YEATS2: variants seen among roughly 807,000 people sequenced by gnomAD.
The protein encoded by YEATS2 is YEATS domain-containing protein 2.
Under a neutral mutation model 163.2 loss-of-function variants are expected in YEATS2, and 77 were observed. The observed-to-expected ratio is 0.47, with a 90% CI of 0.39 to 0.57. YEATS2 has a LOEUF of 0.57. Among genes scored for constraint, YEATS2 ranks in the 20% least tolerant of loss-of-function variants. The pLI is 0.00. For missense variants in YEATS2, 1,549 were observed against 1,729.8 expected (o/e 0.90, Z 1.85); for synonymous variants, 631 against 645.1 (o/e 0.98, Z 0.33).
At chr3:183,720,863 C>T (rs1454626059) in intron 4 of YEATS2, among the ~76,000 whole-genome samples, 1 of 152,126 alleles carries the variant, frequency 6.6e-6, no homozygotes, top group Non-Finnish European at 1.5e-5. Context: ...GAGGTTGCTG[C>T]CAATCCTTAG....
chr3:183,765,083 T>C (rs190459441), intron 15 of YEATS2, among the ~76,000 whole-genome samples: 133 of 152,328 alleles, frequency 8.7e-4, no homozygotes, highest in Middle Eastern at 6.8e-3. Context: ...CCAGAATGAC[T>C]AAGACAGGCA....
intron 19 of YEATS2, among the ~76,000 whole-genome samples, chr3:183,780,730 GTC>G (rs1028233356): frequency 1.3e-5 from 2 of 152,150 alleles, no homozygotes; most frequent in Non-Finnish European, 2.9e-5. Context: ...ATTTTAACAT[GTC>G]TCTCAGCATT....
chr3:183,809,349 G>A (rs1410912317), intron 30 of YEATS2, 179 bp downstream of exon 30: 2 of 592,868 alleles, frequency 3.4e-6, no homozygotes, highest in Non-Finnish European at 3.0e-6. Flanking sequence ...GAACCTCATG[G>A]TTGTGAAAGC....
chr3:183,701,949 C>G (rs948824895), intron 1 of YEATS2, among the ~76,000 whole-genome samples: 1 of 152,158 alleles, frequency 6.6e-6, no homozygotes, highest in Non-Finnish European at 1.5e-5. Context: ...TTCTACTTCT[C>G]CATGTCTGCA....
chr3:183,773,786 A>G lies in YEATS2; in HGVS notation c.2360A>G (p.Asn787Ser), dbSNP rs1722708714. The change falls in exon 17 of 31, where the codon AAC (asparagine) becomes AGC (serine). Residue 787 changes from asparagine to serine, a missense_variant. Asn to Ser is a conservative substitution (Grantham distance 46, BLOSUM62 1). Transcript: ENST00000305135. ...CAAGGAGCCATCCTGCGAGCTACGAACAATGCTAGTTAGTGAAACCATTGG... is the reference window on the plus strand; with the variant it reads ...CAAGGAGCCATCCTGCGAGCTACGAGCAATGCTAGTTAGTGAAACCATTGG... The part of the protein sequence containing the change: ...IPQGAILRAT[N>S]NANLQSGSAA... The G allele has an allele frequency of 6.2e-7, 1 of 1,606,148 alleles. No individual in the cohort carries two copies. The highest frequency in any genetic ancestry group is 1.1e-5 in the South Asian group (1 of 89,128).
At chr3:183,698,804 A>G (rs937834172) in intron 1 of YEATS2, among the ~76,000 whole-genome samples, 1 of 152,064 alleles carries the variant, frequency 6.6e-6, no homozygotes, top group African/African-American at 2.4e-5. Flanking sequence ...CAGCAATATC[A>G]TTTCCCCTTT....
Position 183,717,712 on chromosome 3 carries a change from G to A in YEATS2, c.162G>A (p.Met54Ile), listed in dbSNP as rs746350800. Reference sequence around the variant, plus strand: ...TCAAAGAACAGTTTGCTCTTGAAATGAAGAATAAGGAACATGAAATTGAAG... The same window carrying A: ...TCAAAGAACAGTTTGCTCTTGAAATAAAGAATAAGGAACATGAAATTGAAG... ...TIIKEQFALE[M>I]KNKEHEIEVI... The change falls in exon 3 of 31, where the codon ATG (methionine) becomes ATA (isoleucine). Residue 54 changes from methionine to isoleucine, a missense_variant. By Grantham distance (10) the Met-to-Ile change is conservative (BLOSUM62 1). Coordinates refer to ENST00000305135, the MANE Select transcript of YEATS2 (RefSeq NM_018023.5). 9.6e-6 allele frequency: 15 copies of A among 1,564,024 alleles called. No individual in the cohort carries two copies. The South Asian group carries it at 1.9e-4, about 19-fold the overall frequency.
intron 1 of YEATS2, among the ~76,000 whole-genome samples, chr3:183,708,690 A>AC (rs1055269344): frequency 5.3e-5 from 8 of 151,784 alleles, no homozygotes; most frequent in African/African-American, 1.7e-4. Flanking sequence ...ACATAGTGAG[A>AC]CCCCCGTCTC....
chr3:183,710,156 T>G (rs1715047597), intron 1 of YEATS2, among the ~76,000 whole-genome samples: 1 of 152,224 alleles, frequency 6.6e-6, no homozygotes, highest in African/African-American at 2.4e-5. Flanking sequence ...CATCTCAGTA[T>G]TTTCAATTTC....
chr3:183,774,704 T>G (rs1223577470), intron 17 of YEATS2, among the ~76,000 whole-genome samples: 1 of 152,180 alleles, frequency 6.6e-6, no homozygotes, highest in Non-Finnish European at 1.5e-5. Flanking sequence ...TCCCTCTGAA[T>G]CAGAAGTAGA....
chr3:183,726,666 C>T (rs140083296), intron 6 of YEATS2, among the ~76,000 whole-genome samples: 82 of 152,238 alleles, frequency 5.4e-4, no homozygotes, highest in Middle Eastern at 3.4e-3. Context: ...GATCCCCTCC[C>T]TCATTAGGCA....
chr3:183,728,993 C>G, intron 7 of YEATS2, 142 bp downstream of exon 7: 1 of 971,714 alleles, frequency 1.0e-6, no homozygotes, highest in South Asian at 1.7e-5. Flanking sequence ...TAGTTGGAGG[C>G]CGGGTGGGGT....
chr3:183,729,893 T>C (rs1560243874), intron 7 of YEATS2, among the ~76,000 whole-genome samples: 1 of 151,938 alleles, frequency 6.6e-6, no homozygotes, highest in East Asian at 1.9e-4. Flanking sequence ...TTTCACCATG[T>C]TGGCCAGGCT....
intron 17 of YEATS2, 117 bp from the exon 18 acceptor site, chr3:183,775,798 G>T: frequency 6.7e-7 from 1 of 1,483,774 alleles, no homozygotes; most frequent in South Asian, 1.2e-5. Context: ...GGAGGAAAAT[G>T]GGAAAGAAGA....
At chr3:183,742,742 T>C (rs1189991104) in intron 8 of YEATS2, among the ~76,000 whole-genome samples, 2 of 152,226 alleles carry the variant, frequency 1.3e-5, no homozygotes, top group African/African-American at 4.8e-5. Context: ...TTGAAAGAAC[T>C]TCTCTTGTGG....
At chr3:183,807,118 A>G (rs1307015551) in intron 28 of YEATS2, 26 bp downstream of exon 28, 2 of 1,592,558 alleles carry the variant, frequency 1.3e-6, no homozygotes, top group Non-Finnish European at 1.7e-6. Flanking sequence ...TTAATAGTTC[A>G]TGCAGCAGAC....
Position 183,809,134 on chromosome 3 carries a change from C to T in YEATS2, c.4124C>T (p.Ala1375Val), listed in dbSNP as rs1726532143. The T allele has an allele frequency of 6.2e-7, 1 of 1,614,140 alleles. No homozygotes were observed. Among genetic ancestry groups the T allele is most frequent in the Non-Finnish European group, 8.5e-7 (1 of 1,180,008 alleles). ...EQLVNDILRQ[A>V]LAVGYQTASH... ...CTGGTGAATGATATCCTGAGACAGGCTTTGGCAGTTGGATACCAGACAGCT... is the reference window on the plus strand; with the variant it reads ...CTGGTGAATGATATCCTGAGACAGGTTTTGGCAGTTGGATACCAGACAGCT... The change falls in exon 30 of 31, where the codon GCT becomes GTT. Residue 1375 changes from alanine (A) to valine (V), a missense_variant. Transcript: ENST00000305135.
intron 1 of YEATS2, among the ~76,000 whole-genome samples, chr3:183,705,968 G>A (rs1161054049): frequency 3.9e-5 from 6 of 151,940 alleles, no homozygotes; most frequent in Admixed American, 3.9e-4. Flanking sequence ...TGACCCGGGA[G>A]GCGGAGCTTG....
intron 9 of YEATS2, 89 bp downstream of exon 9, chr3:183,747,805 G>A (rs766720788): frequency 3.1e-6 from 4 of 1,269,944 alleles, no homozygotes; most frequent in East Asian, 2.6e-5. Flanking sequence ...TTGAGACGGG[G>A]TCTTCGCTCT....
Sources: allele counts gnomAD v4.1 joint callset (sites outside exome capture counted in the v4.1 genomes callset), GRCh38; gene constraint gnomAD v4.1.1; transcripts MANE v1.5; gene names NCBI Gene and HGNC (gene_info 2026-07-23, HGNC 2026-07-21).